The following PPL variants were observed in gnomAD, a reference collection of about 807,000 sequenced individuals.
The protein encoded by PPL is 190 kDa paraneoplastic pemphigus antigen.
A neutral mutation model predicts 194.4 loss-of-function variants in PPL; 198 were observed. The ratio of observed to expected loss-of-function variants is 1.02; its 90% confidence interval spans 0.91 to 1.15. PPL has a LOEUF of 1.15. Ranked by LOEUF, PPL falls within the 50% of genes most tolerant of loss-of-function variation. The pLI, the probability that PPL is intolerant of heterozygous loss-of-function variation, is 0.00. For missense variants in PPL, 2,885 were observed against 2,294.8 expected (o/e 1.26, Z -5.25); for synonymous variants, 1,220 against 972.4 (o/e 1.25, Z -4.74).
intron 1 of PPL, among the ~76,000 whole-genome samples, chr16:4,914,539 G>T (rs996209958): frequency 6.6e-6 from 1 of 152,192 alleles, no homozygotes; most frequent in African/African-American, 2.4e-5. Flanking sequence ...CCGGAGCTGG[G>T]GGATCTTGAG....
rs373493233 is a variant in PPL at position 4,908,536 on chromosome 16, T to TATTG, written c.162+2310_162+2313dup. ...TGGTGGAATTCTACATGACTGACTT[T>TATTG]ATTGATTGATTGATTGATTGAGGCA... On this transcript the variant is annotated intron_variant, in intron 2 of 21. Coordinates refer to ENST00000345988, the MANE Select transcript of PPL (RefSeq NM_002705.5). 3.1e-3 allele frequency among the ~76,000 whole-genome samples: 474 copies of TATTG among 151,976 alleles called. 1 individual carries two copies. Among genetic ancestry groups the TATTG allele is most frequent in the African/African-American group, 9.7e-3 (403 of 41,422 alleles).
At chr16:4,907,881 T>G (rs1333689323) in intron 2 of PPL, among the ~76,000 whole-genome samples, 1 of 152,006 alleles carries the variant, frequency 6.6e-6, no homozygotes. Flanking sequence ...ATAGGCCGGG[T>G]GCAGTGGCTC....
intron 8 of PPL, 65 bp downstream of exon 8, chr16:4,898,948 G>A (rs2088486340): frequency 1.5e-6 from 2 of 1,366,114 alleles, no homozygotes; most frequent in Non-Finnish European, 2.1e-6. Context: ...GCTCCAGGCG[G>A]CCCACAGGCA....
rs1312373917 is a variant in PPL at position 4,884,220 on chromosome 16, C to T, written c.4435G>A (p.Glu1479Lys). 6.2e-7 allele frequency: 1 copy of T among 1,613,724 alleles called. No homozygotes were observed. The highest frequency in any genetic ancestry group is 1.3e-5 in the African/African-American group (1 of 74,928). ...AGTTTCCTCCGGAGGGTCTCGAGCT[C>T]CCCCTCCAGGAGCTGCCGCCGGTGC... The part of the protein sequence containing the change: ...EQHRRQLLEG[E>K]LETLRRKLAA... The change falls in exon 22 of 22, where the codon GAG becomes AAG. Residue 1479 changes from glutamate (E) to lysine (K), a missense_variant. By Grantham distance (56) the Glu-to-Lys change is moderately conservative. Transcript: ENST00000345988. This position sits in a 1 kb window ranked among gnomAD's most constrained non-coding sequence, Gnocchi z 5.7.
chr16:4,886,298 G>T (rs944611558), intron 21 of PPL, among the ~76,000 whole-genome samples: 3 of 152,172 alleles, frequency 2.0e-5, no homozygotes, highest in African/African-American at 7.2e-5. Flanking sequence ...CCCACCTCTG[G>T]TCCCCGTCCT....
In PPL at chr16:4,884,549, C is replaced by T; in HGVS notation, c.4106G>A (p.Ser1369Asn). The change falls in exon 22 of 22, where the codon AGC (serine) becomes AAC (asparagine). Residue 1369 changes from serine (S) to asparagine (N), a missense_variant. Coordinates refer to ENST00000345988, the MANE Select transcript of PPL (RefSeq NM_002705.5). The surrounding 1 kb of genome is among the most constrained non-coding windows in gnomAD (Gnocchi z 5.7). ...EEEPGLRAEASAFAESIDVEL... is the reference protein window; with the variant it reads ...EEEPGLRAEANAFAESIDVEL... ...CACATCGATGCTCTCGGCAAAGGCGCTCGCCTCGGCCCGCAGGCCTGGCTC... is the reference window on the plus strand; with the variant it reads ...CACATCGATGCTCTCGGCAAAGGCGTTCGCCTCGGCCCGCAGGCCTGGCTC... 1 of 1,613,500 alleles carries T rather than the reference C, an allele frequency of 6.2e-7. No individual in the cohort carries two copies.
At chr16:4,922,676 CA>C (rs1240151537) in intron 1 of PPL, among the ~76,000 whole-genome samples, 1 of 151,776 alleles carries the variant, frequency 6.6e-6, no homozygotes, top group African/African-American at 2.4e-5. Flanking sequence ...CAAAACAAAA[CA>C]AAAAAACCCT....
chr16:4,931,375 G>A (rs866264945), intron 1 of PPL, among the ~76,000 whole-genome samples: 1 of 152,030 alleles, frequency 6.6e-6, no homozygotes, highest in Admixed American at 6.6e-5. Flanking sequence ...AAAGAATAAA[G>A]AAAGAACACT....
At chr16:4,928,267 G>T (rs1184006895) in intron 1 of PPL, among the ~76,000 whole-genome samples, 3 of 152,216 alleles carry the variant, frequency 2.0e-5, no homozygotes, top group African/African-American at 7.2e-5. Context: ...TGTATTTTTA[G>T]TAGGGACAGG....
Position 4,895,711 on chromosome 16 carries a change from G to A in PPL, c.978C>T (p.His326=), listed in dbSNP as rs771451212. 4.3e-5 allele frequency: 69 copies of A among 1,613,902 alleles called. 1 individual carries two copies. In the South Asian group the frequency reaches 4.9e-4, roughly 12 times the overall value. ...LKYMEDYHQF[H]EDVKDAQELL... The stretch of plus-strand genomic sequence containing the variant: ...GCTCCTGAGCGTCCTTCACGTCTTC[G>A]TGAAACTAGGGGAGAAGGTGGCTCT... Residue 326 remains histidine, a synonymous_variant, in exon 10 of 22, where the codon CAC becomes CAT. Transcript: ENST00000345988.
chr16:4,929,499 A>G (rs2089201337), intron 1 of PPL, among the ~76,000 whole-genome samples: 2 of 152,304 alleles, frequency 1.3e-5, no homozygotes, highest in South Asian at 2.1e-4. Context: ...CTACTCAGAC[A>G]TGCAGAAAAG....
Position 4,937,052 on chromosome 16 carries a change from G to A in PPL, c.-7C>T, listed in dbSNP as rs370644780. 1.9e-5 allele frequency: 27 copies of A among 1,447,204 alleles called. No homozygotes were observed. Among genetic ancestry groups the A allele is most frequent in the Non-Finnish European group, 2.3e-5 (25 of 1,092,336 alleles). 89.6% of individuals were successfully genotyped at this position (1,447,204 alleles called of 1,614,324 possible). The stretch of plus-strand genomic sequence containing the variant: ...TCCTGAAGAGCGAGTTCATGGTGGC[G>A]CTCGGGGTGCGGGCGGCGGCGGCTG... On this transcript the variant is annotated 5_prime_UTR_variant, in exon 1 of 22. Coordinates refer to ENST00000345988, the MANE Select transcript of PPL (RefSeq NM_002705.5).
At chr16:4,936,951 C>A in intron 1 of PPL, 33 bp downstream of exon 1, 1 of 1,573,260 alleles carries the variant, frequency 6.4e-7, no homozygotes. Flanking sequence ...GGGGCAAGAG[C>A]GTCCCGGAGC....
At position 4,885,283 on chromosome 16, in the gene PPL, C is replaced by T. The variant is rs200055404; in HGVS notation, c.3372G>A (p.Ala1124=). 5.1e-5 allele frequency: 82 copies of T among 1,611,590 alleles called. No individual in the cohort carries two copies. The Middle Eastern group carries it at 6.6e-4, about 13-fold the overall frequency. Residue 1124 remains alanine (A), a synonymous_variant, in exon 22 of 22, where the codon GCG becomes GCA. Coordinates refer to ENST00000345988, the MANE Select transcript of PPL (RefSeq NM_002705.5). This position sits in a 1 kb window ranked among gnomAD's most constrained non-coding sequence, Gnocchi z 6.3. ...GATCGCTGACCTCCCTCTCGGTGGC[C>T]GCGTCCTTCTCCACCTTGAGCACCT... The part of the protein sequence containing the change: ...VKEVLKVEKD[A]ATEREVSDLT...
chr16:4,890,108 C>A, intron 18 of PPL, 76 bp downstream of exon 18: 1 of 1,607,256 alleles, frequency 6.2e-7, no homozygotes, highest in Non-Finnish European at 8.5e-7. Context: ...AGGCTTGGCT[C>A]CCCAGAAAGG....
intron 1 of PPL, among the ~76,000 whole-genome samples, chr16:4,913,926 C>A (rs1214346930): frequency 6.6e-6 from 1 of 152,196 alleles, no homozygotes; most frequent in African/African-American, 2.4e-5. Flanking sequence ...TGATCCACCC[C>A]ACAGACCAGG....
chr16:4,910,799 A>T (rs988911888), intron 2 of PPL, 51 bp downstream of exon 2: 8 of 1,461,010 alleles, frequency 5.5e-6, no homozygotes, highest in Non-Finnish European at 7.7e-6. Context: ...GGTCCTGAAC[A>T]GGGCTGGCAG....
intron 1 of PPL, among the ~76,000 whole-genome samples, chr16:4,925,389 C>T (rs910420305): frequency 6.6e-6 from 1 of 152,138 alleles, no homozygotes; most frequent in South Asian, 2.1e-4. Context: ...TGAATAGTAA[C>T]AACACTGAGG....
At chr16:4,905,938 A>C (rs2088673122) in intron 2 of PPL, among the ~76,000 whole-genome samples, 1 of 152,130 alleles carries the variant, frequency 6.6e-6, no homozygotes, top group African/African-American at 2.4e-5. Flanking sequence ...GACCCCATTT[A>C]TTAAAAAATA....
Sources: gnomAD v4.1 joint callset for allele counts (sites outside exome capture counted in the v4.1 genomes callset) on GRCh38, gnomAD v4.1.1 for gene constraint, Gnocchi (gnomAD v3.1) non-coding constraint, MANE v1.5 for transcripts, NCBI Gene and HGNC (gene_info 2026-07-23, HGNC 2026-07-21) for gene names.